BCL2: variants seen among roughly 807,000 people sequenced by gnomAD.
BCL2 encodes the protein apoptosis regulator Bcl-2.
In BCL2, 1 loss-of-function variant was observed where a neutral mutation model predicts 14.2. The observed-to-expected ratio is 0.07, with a 90% CI of 0.02 to 0.33. The LOEUF (loss-of-function observed/expected upper bound fraction) is 0.33. Among genes scored for constraint, BCL2 ranks in the 10% least tolerant of loss-of-function variants. BCL2 has a pLI of 0.99. For missense variants in BCL2, 247 were observed against 305.9 expected (o/e 0.81, Z 1.44); for synonymous variants, 151 against 137.2 (o/e 1.10, Z -0.70).
chr18:63,222,057 G>C (rs760023762), intron 2 of BCL2, among the ~76,000 whole-genome samples: 1 of 152,110 alleles, frequency 6.6e-6, no homozygotes, highest in Non-Finnish European at 1.5e-5. Context: ...GAGGCAGGCA[G>C]ATCACTTGAG....
At chr18:63,182,283 C>A (rs1915494702) in intron 2 of BCL2, among the ~76,000 whole-genome samples, 1 of 152,170 alleles carries the variant, frequency 6.6e-6, no homozygotes, top group Non-Finnish European at 1.5e-5. Context: ...TCAGCCACAG[C>A]CTGCACAATC....
intron 2 of BCL2, among the ~76,000 whole-genome samples, chr18:63,131,564 C>T (rs868369998): frequency 1.3e-4 from 20 of 152,328 alleles, no homozygotes; most frequent in Middle Eastern, 3.4e-3. Context: ...ATCACAGACA[C>T]GGCTGCAAAT....
intron 2 of BCL2, among the ~76,000 whole-genome samples, chr18:63,306,114 A>C (rs1913124935): frequency 1.3e-5 from 2 of 152,144 alleles, no homozygotes; most frequent in Non-Finnish European, 2.9e-5. Context: ...AAAACACAAA[A>C]AAGCATTTAT....
At chr18:63,231,931 A>G (rs986189627) in intron 2 of BCL2, among the ~76,000 whole-genome samples, 1 of 152,134 alleles carries the variant, frequency 6.6e-6, no homozygotes, top group Non-Finnish European at 1.5e-5. Flanking sequence ...CATATACAAT[A>G]TACTTAATTA....
chr18:63,274,135 C>T (rs1237350788), intron 2 of BCL2, among the ~76,000 whole-genome samples: 1 of 152,016 alleles, frequency 6.6e-6, no homozygotes, highest in Non-Finnish European at 1.5e-5. Flanking sequence ...TATTTTTTCT[C>T]TCTATCCTCT....
chr18:63,269,315 C>T (rs952317612), intron 2 of BCL2, among the ~76,000 whole-genome samples: 4 of 151,920 alleles, frequency 2.6e-5, no homozygotes, highest in Admixed American at 2.0e-4. Context: ...ATGGAAAGTT[C>T]GGTGTGCCAA....
chr18:63,156,696 A>G (rs1353412225), intron 2 of BCL2, among the ~76,000 whole-genome samples: 1 of 152,180 alleles, frequency 6.6e-6, no homozygotes, highest in Non-Finnish European at 1.5e-5. Context: ...TCTCCTCCCA[A>G]GTCCAGACGT....
intron 2 of BCL2, among the ~76,000 whole-genome samples, chr18:63,261,065 GC>G (rs1911645066): frequency 6.6e-6 from 1 of 152,200 alleles, no homozygotes; most frequent in Non-Finnish European, 1.5e-5. Flanking sequence ...GCTGATTCAT[GC>G]AGGTACTGCC....
At chr18:63,135,787 C>T (rs1914192642) in intron 2 of BCL2, among the ~76,000 whole-genome samples, 1 of 152,284 alleles carries the variant, frequency 6.6e-6, no homozygotes, top group Middle Eastern at 3.4e-3. Flanking sequence ...GCGTGCTCCA[C>T]CCTAACCATT....
intron 2 of BCL2, among the ~76,000 whole-genome samples, chr18:63,159,756 C>A (rs1017507704): frequency 1.3e-5 from 2 of 152,178 alleles, no homozygotes; most frequent in African/African-American, 4.8e-5. Context: ...ACACCAAAAA[C>A]ACCTACAAAA....
At chr18:63,132,517 G>A (rs1914094526) in intron 2 of BCL2, among the ~76,000 whole-genome samples, 1 of 152,224 alleles carries the variant, frequency 6.6e-6, no homozygotes, top group Non-Finnish European at 1.5e-5. Flanking sequence ...TCTGGTCAAA[G>A]ATGGGAAGTG....
chr18:63,225,454 T>G (rs75271802), intron 2 of BCL2, among the ~76,000 whole-genome samples: 3,634 of 152,286 alleles, frequency 0.024, 153 homozygotes, highest in African/African-American at 0.083. Context: ...AGCTAAAATA[T>G]ACAAAGTTAT....
intron 2 of BCL2, among the ~76,000 whole-genome samples, chr18:63,256,198 G>A (rs192093756): frequency 1.3e-3 from 195 of 152,232 alleles, no homozygotes; most frequent in African/African-American, 4.4e-3. Context: ...AAATATATAT[G>A]GGAAGACAAC....
intron 2 of BCL2, among the ~76,000 whole-genome samples, chr18:63,158,294 C>T (rs998116548): frequency 1.3e-5 from 2 of 152,188 alleles, no homozygotes; most frequent in African/African-American, 2.4e-5. Flanking sequence ...GAGTAATATT[C>T]ATGCACCTTC....
chr18:63,149,330 A>G lies in BCL2; in HGVS notation c.586-20571T>C, dbSNP rs1274033760. Among the ~76,000 whole-genome samples, 1 of 152,206 alleles carries G rather than the reference A, an allele frequency of 6.6e-6. No homozygotes were observed. The highest frequency in any genetic ancestry group is 1.5e-5 in the Non-Finnish European group (1 of 68,030). ...CACAATAGGGTTTGCACTCCTAGGA[A>G]AACCTAATGTCGCCACTGATCTGAC... On this transcript the variant is annotated intron_variant, in intron 2 of 2. Transcript: ENST00000333681. This position sits in a 1 kb window ranked among gnomAD's most constrained non-coding sequence, Gnocchi z 4.2.
At chr18:63,154,167 G>A (rs756314446) in intron 2 of BCL2, among the ~76,000 whole-genome samples, 3 of 152,042 alleles carry the variant, frequency 2.0e-5, no homozygotes, top group African/African-American at 7.2e-5. Context: ...CAGAAAAACC[G>A]GGGTGATCCT....
chr18:63,272,763 T>G (rs1378109798), intron 2 of BCL2, among the ~76,000 whole-genome samples: 1 of 152,238 alleles, frequency 6.6e-6, no homozygotes, highest in Non-Finnish European at 1.5e-5. Flanking sequence ...GCCGTATATA[T>G]TTTATATAAA....
At chr18:63,302,891 A>C (rs1418379531) in intron 2 of BCL2, 2 of 984,894 alleles carry the variant, frequency 2.0e-6, no homozygotes, top group Non-Finnish European at 2.4e-6. Flanking sequence ...TTCTGGGCCA[A>C]ATGTATCCAA....
At chr18:63,274,971 C>T (rs916662258) in intron 2 of BCL2, among the ~76,000 whole-genome samples, 1 of 152,178 alleles carries the variant, frequency 6.6e-6, no homozygotes, top group Non-Finnish European at 1.5e-5. Context: ...TTGACCAACA[C>T]ATCTAAGGAC....
Sources: gnomAD v4.1 joint callset for allele counts (sites outside exome capture counted in the v4.1 genomes callset) on GRCh38, gnomAD v4.1.1 for gene constraint, Gnocchi (gnomAD v3.1) non-coding constraint, MANE v1.5 for transcripts, NCBI Gene and HGNC (gene_info 2026-07-23, HGNC 2026-07-21) for gene names.